Variants in POF1B observed in about 807,000 individuals in gnomAD.
POF1B encodes POF1B actin binding protein.
Under a neutral mutation model 55.3 loss-of-function variants are expected in POF1B, and 53 were observed. The observed-to-expected ratio is 0.96, with a 90% CI of 0.77 to 1.20. The LOEUF is 1.20. POF1B is among the 50% of genes most tolerant of loss of function. POF1B has a pLI of 0.00. For synonymous variants in POF1B, 188 were observed against 148.3 expected, an observed-to-expected ratio of 1.27 and a Z score of -1.95; for missense variants, 478 against 420.5, an observed-to-expected ratio of 1.14 and a Z score of -1.20.
intron 6 of POF1B, among the ~76,000 whole-genome samples, chrX:85,336,551 A>T (rs1327944177): frequency 9.0e-6 from 1 of 111,343 alleles, no homozygotes; most frequent in African/African-American, 3.3e-5. Context: ...CATTTCTCTG[A>T]TGATCAATGA....
At chrX:85,328,791 G>A (rs1481135817) in intron 7 of POF1B, among the ~76,000 whole-genome samples, 1 of 106,197 alleles carries the variant, frequency 9.4e-6, no homozygotes, top group East Asian at 3.0e-4. Flanking sequence ...AAATGAATGA[G>A]AGAAGTATTT....
intron 7 of POF1B, among the ~76,000 whole-genome samples, chrX:85,323,694 G>T (rs754361656): frequency 6.3e-5 from 7 of 111,052 alleles, no homozygotes; most frequent in African/African-American, 1.6e-4. Flanking sequence ...CTTTTGTATG[G>T]TTTTTTATGT....
intron 7 of POF1B, among the ~76,000 whole-genome samples, chrX:85,317,870 C>T (rs1932801075): frequency 9.0e-6 from 1 of 111,650 alleles, no homozygotes; most frequent in Non-Finnish European, 1.9e-5. Flanking sequence ...ATATATACAC[C>T]ATGGAATACT....
At chrX:85,333,067 G>C (rs1434305226) in intron 6 of POF1B, among the ~76,000 whole-genome samples, 1 of 110,841 alleles carries the variant, frequency 9.0e-6, no homozygotes, top group Non-Finnish European at 1.9e-5. Context: ...TAAATACTTA[G>C]ATATACATAA....
At chrX:85,330,511 C>T (rs1225006936) in intron 7 of POF1B, among the ~76,000 whole-genome samples, 1 of 111,397 alleles carries the variant, frequency 9.0e-6, no homozygotes, top group Non-Finnish European at 1.9e-5. Flanking sequence ...GAGCTCCTTG[C>T]CCAAGATGTT....
chrX:85,282,309 G>T lies in POF1B; in HGVS notation c.1658C>A (p.Thr553Lys), dbSNP rs757599562. Residue 553 changes from threonine to lysine, a missense_variant, in exon 16 of 17, where the codon ACA (threonine) becomes AAA (lysine). By Grantham distance (78) the Thr-to-Lys change is moderately conservative. Coordinates refer to ENST00000262753, the MANE Select transcript of POF1B (RefSeq NM_024921.4). ...RTTITTKKYRTQYPILGLLYD... is the reference protein window; with the variant it reads ...RTTITTKKYRKQYPILGLLYD... Reference sequence around the variant, plus strand: ...TAGGAGGCCTAGGATTGGATATTGTGTCCTGTACCTGTTGGCAAGAAAAGA... The same window carrying T: ...TAGGAGGCCTAGGATTGGATATTGTTTCCTGTACCTGTTGGCAAGAAAAGA... 1 of 1,131,874 alleles carries T rather than the reference G, an allele frequency of 8.8e-7. No individual in the cohort carries two copies. Among genetic ancestry groups the T allele is most frequent in the Admixed American group, 2.8e-5 (1 of 36,326 alleles). The allele number at this position is 1,131,874 out of a possible 1,213,427, so 93.3% of individuals were successfully genotyped here.
chrX:85,301,273 G>A (rs949663457), intron 15 of POF1B, among the ~76,000 whole-genome samples: 5 of 111,139 alleles, frequency 4.5e-5, no homozygotes, highest in Admixed American at 9.5e-5. Flanking sequence ...CATGTCAGGG[G>A]GATCCTCAAT....
intron 4 of POF1B, 122 bp from the exon 5 acceptor site, chrX:85,351,573 G>A: frequency 4.4e-6 from 2 of 457,206 alleles, no homozygotes; most frequent in Admixed American, 4.5e-5. Context: ...GGAAGAGAGA[G>A]GAATGACATC....
At chrX:85,295,194 T>G (rs923826132) in intron 15 of POF1B, among the ~76,000 whole-genome samples, 52 of 112,119 alleles carry the variant, frequency 4.6e-4, no homozygotes, top group African/African-American at 1.6e-3. Context: ...ATCTTTGGTA[T>G]GAACTTTGCA....
At chrX:85,284,326 A>G (rs936246551) in intron 15 of POF1B, among the ~76,000 whole-genome samples, 10 of 111,868 alleles carry the variant, frequency 8.9e-5, no homozygotes, top group Non-Finnish European at 1.7e-4. Flanking sequence ...ATATGGAACC[A>G]AAAAAGAGCC....
intron 16 of POF1B, among the ~76,000 whole-genome samples, chrX:85,281,179 CT>C (rs58815023): frequency 0.19 from 18,878 of 99,522 alleles, 1,500 homozygotes; most frequent in African/African-American, 0.29. Context: ...CATGTACAGA[CT>C]TTTTTTTTTT....
chrX:85,372,316 G>T lies in POF1B; in HGVS notation c.283-4550C>A, dbSNP rs1289968736. ...CCGAGATCGTGCCACTGTGCTCCAG[G>T]CTGGGCGACAGAGCGAGACTCTGTC... On this transcript the variant is annotated intron_variant, in intron 2 of 16. Transcript: ENST00000262753. 4.8e-5 allele frequency among the ~76,000 whole-genome samples: 5 copies of T among 103,105 alleles called. No individual in the cohort carries two copies. The East Asian group carries it at 1.5e-3, about 31-fold the overall frequency. 89.5% of individuals were successfully genotyped at this position (103,105 alleles called of 115,157 possible).
At chrX:85,369,920 A>G (rs1397701518) in intron 2 of POF1B, among the ~76,000 whole-genome samples, 1 of 112,134 alleles carries the variant, frequency 8.9e-6, no homozygotes, top group Non-Finnish European at 1.9e-5. Flanking sequence ...ATATTATACT[A>G]GTATCATTCT....
chrX:85,353,814 A>G (rs1432070453), intron 4 of POF1B, among the ~76,000 whole-genome samples: 3 of 111,534 alleles, frequency 2.7e-5, no homozygotes, highest in Non-Finnish European at 3.8e-5. Context: ...TGAAGAGCAA[A>G]TACAGAACTA....
At position 85,343,173 on chromosome X, in the gene POF1B, A is replaced by G. The variant is rs180972989; in HGVS notation, c.723+2687T>C. 4.0e-3 allele frequency among the ~76,000 whole-genome samples: 443 copies of G among 110,196 alleles called. 2 individuals are homozygous for G. Among genetic ancestry groups the G allele is most frequent in the Middle Eastern group, 0.014 (3 of 215 alleles). ...CCTGCACGTTCTGTACATGTATCCG[A>G]GAACTTAAAGTATAATAAAAAAAGA... On this transcript the variant is annotated intron_variant, in intron 6 of 16. Transcript: ENST00000262753.
rs756383362 is a variant in POF1B at position 85,299,699 on chromosome X, G to A, written c.1649+3707C>T. Reference sequence around the variant, plus strand: ...TTTTTTTTGTATTTTTAGTAGAGACGGGGTTTCACCATGTTAGCCAGGATG... The same window carrying A: ...TTTTTTTTGTATTTTTAGTAGAGACAGGGTTTCACCATGTTAGCCAGGATG... On this transcript the variant is annotated intron_variant, in intron 15 of 16. Transcript: ENST00000262753. Among the ~76,000 whole-genome samples, 449 of 95,173 alleles carry A rather than the reference G, an allele frequency of 4.7e-3. 2 individuals carry two copies. The highest frequency in any genetic ancestry group is 0.014 in the African/African-American group (362 of 25,988). 82.6% of individuals were successfully genotyped at this position (95,173 alleles called of 115,157 possible). A position where few individuals can be genotyped will look rare whatever the true frequency, so the allele number is the denominator to read the frequency against.
At position 85,307,164 on chromosome X, in the gene POF1B, T is replaced by C. The variant is rs1163562398; in HGVS notation, c.1163A>G (p.Gln388Arg). Residue 388 changes from glutamine (Q) to arginine (R), a missense_variant and splice_region_variant, in exon 11 of 17, where the codon CAG becomes CGG. Transcript: ENST00000262753. The stretch of plus-strand genomic sequence containing the variant: ...ACACCAATAAAAGCATCAGTTTACC[T>C]GCTGCTGGTGATTATTTGCTCTCAC... ...ASVRANNHQQQQGLQDSSSKC... is the reference protein window; with the variant it reads ...ASVRANNHQQRQGLQDSSSKC... 1 of 1,193,060 alleles carries C rather than the reference T, an allele frequency of 8.4e-7. No homozygotes were observed. The highest frequency in any genetic ancestry group is 1.8e-5 in the African/African-American group (1 of 56,913).
intron 7 of POF1B, among the ~76,000 whole-genome samples, chrX:85,320,535 A>G (rs1420223094): frequency 3.6e-5 from 4 of 110,972 alleles, no homozygotes; most frequent in Admixed American, 1.9e-4. Context: ...AAAAGAACTA[A>G]AAAAGCAAGA....
At chrX:85,339,883 G>A (rs1242395538) in intron 6 of POF1B, among the ~76,000 whole-genome samples, 1 of 111,272 alleles carries the variant, frequency 9.0e-6, no homozygotes, top group Non-Finnish European at 1.9e-5. Context: ...TTTATGTGGT[G>A]AACCAAAATC....
Sources: allele counts gnomAD v4.1 joint callset (sites outside exome capture counted in the v4.1 genomes callset), GRCh38; gene constraint gnomAD v4.1.1; transcripts MANE v1.5; gene names NCBI Gene and HGNC (gene_info 2026-07-23, HGNC 2026-07-21).